Variants in CPNE8 observed in about 807,000 individuals in gnomAD.
CPNE8 encodes copine-8.
Under a neutral mutation model 81.5 loss-of-function variants are expected in CPNE8, and 45 were observed. The ratio of observed to expected loss-of-function variants is 0.55; its 90% CI spans 0.44 to 0.71. The LOEUF (loss-of-function observed/expected upper bound fraction) is 0.71. CPNE8 is among the 30% of genes least tolerant of loss of function. The pLI, the probability that CPNE8 is intolerant of heterozygous loss-of-function variation, is 0.00. For missense variants in CPNE8, 594 were observed against 672.1 expected (o/e 0.88, Z 1.28); for synonymous variants, 252 against 226.3 (o/e 1.11, Z -1.02).
chr12:38,806,417 C>T (rs1488922723), intron 6 of CPNE8, among the ~76,000 whole-genome samples: 1 of 149,446 alleles, frequency 6.7e-6, no homozygotes, highest in East Asian at 2.3e-4. Context: ...ATCAAGTGGG[C>T]TTCATCCCTG....
intron 13 of CPNE8, among the ~76,000 whole-genome samples, chr12:38,709,330 C>A (rs1011809439): frequency 6.6e-6 from 1 of 152,166 alleles, no homozygotes; most frequent in Admixed American, 6.5e-5. Context: ...CAGACAGATG[C>A]CTCATTCCAA....
At chr12:38,746,520 G>C (rs753111562) in intron 10 of CPNE8, among the ~76,000 whole-genome samples, 5 of 152,128 alleles carry the variant, frequency 3.3e-5, no homozygotes, top group African/African-American at 1.2e-4. Context: ...AGAGTTGAAC[G>C]ACTAAATATC....
chr12:38,883,317 A>T (rs1263824731), intron 1 of CPNE8, among the ~76,000 whole-genome samples: 4 of 152,206 alleles, frequency 2.6e-5, no homozygotes, highest in African/African-American at 9.7e-5. Flanking sequence ...TATATCATTC[A>T]GAACAAAATG....
At chr12:38,787,202 T>C (rs936635492) in intron 6 of CPNE8, among the ~76,000 whole-genome samples, 4 of 152,130 alleles carry the variant, frequency 2.6e-5, no homozygotes, top group South Asian at 2.1e-4. Context: ...GACCATATTT[T>C]ATGTCACAAA....
Position 38,839,935 on chromosome 12 carries a change from C to G in CPNE8, c.311G>C (p.Ser104Thr), listed in dbSNP as rs778884699. The G allele has an allele frequency of 6.3e-7, 1 of 1,579,916 alleles. No homozygotes were observed. Among genetic ancestry groups the G allele is most frequent in the Non-Finnish European group, 8.6e-7 (1 of 1,156,712 alleles). Reference protein sequence around the residue: ...RFDLYDVDSKSPNLSKHDFLG... With the variant: ...RFDLYDVDSKTPNLSKHDFLG... The stretch of plus-strand genomic sequence containing the variant: ...ACTTACATGTTTGGATAAGTTGGGG[C>G]TCTTTGAATCAACATCATACCTAAA... Residue 104 changes from serine to threonine, a missense_variant, in exon 5 of 20, where the codon AGC becomes ACC. Transcript: ENST00000331366.
intron 5 of CPNE8, among the ~76,000 whole-genome samples, chr12:38,838,210 T>C (rs1943416888): frequency 6.6e-6 from 1 of 151,960 alleles, no homozygotes; most frequent in Non-Finnish European, 1.5e-5. Flanking sequence ...TCAGGGAGAG[T>C]GGTACTTGGA....
chr12:38,897,490 C>G (rs576934193), intron 1 of CPNE8, among the ~76,000 whole-genome samples: 137 of 151,748 alleles, frequency 9.0e-4, no homozygotes, highest in African/African-American at 3.3e-3. Flanking sequence ...ATAGTACAAC[C>G]ATATAATAGA....
chr12:38,675,712 C>A lies in CPNE8; in HGVS notation c.1432+5G>T. The A allele has an allele frequency of 6.3e-7, 1 of 1,578,636 alleles. No homozygotes were observed. The highest frequency in any genetic ancestry group is 8.7e-7 in the Non-Finnish European group (1 of 1,148,332). ...AAGGAATATTATTGAAATTTTACTA[C>A]TCACCATCAAATTCTGCTGGTCCAA... is the stretch of plus-strand genomic sequence containing the variant. On this transcript the variant is annotated splice_donor_5th_base_variant and intron_variant, in intron 18 of 19. Transcript: ENST00000331366.
At chr12:38,818,146 T>A (rs549325055) in intron 6 of CPNE8, among the ~76,000 whole-genome samples, 67 of 152,244 alleles carry the variant, frequency 4.4e-4, no homozygotes, top group African/African-American at 1.5e-3. Context: ...ATTTTTTTTT[T>A]AATTATACTT....
chr12:38,846,704 C>A (rs1265484103), intron 4 of CPNE8, among the ~76,000 whole-genome samples: 1 of 152,006 alleles, frequency 6.6e-6, no homozygotes, highest in Non-Finnish European at 1.5e-5. Flanking sequence ...AGATTTAGAA[C>A]CAGACAGTGG....
chr12:38,839,598 G>T (rs1487198148), intron 5 of CPNE8, among the ~76,000 whole-genome samples: 1 of 151,496 alleles, frequency 6.6e-6, no homozygotes, highest in Non-Finnish European at 1.5e-5. Flanking sequence ...GTTAAACCTT[G>T]CAAAAAGACA....
At chr12:38,719,770 T>C (rs553341083) in intron 13 of CPNE8, among the ~76,000 whole-genome samples, 2 of 152,208 alleles carry the variant, frequency 1.3e-5, no homozygotes, top group South Asian at 4.1e-4. Flanking sequence ...CATTATATTG[T>C]GGTGAATAAT....
In CPNE8 at chr12:38,878,566, C is replaced by T. The variant is rs549007888; in HGVS notation, c.99-4055G>A. Among the ~76,000 whole-genome samples the T allele has an allele frequency of 2.6e-5, 4 of 152,300 alleles. No homozygotes were observed. The South Asian group carries it at 8.3e-4, about 32-fold the overall frequency. ...TGCTCTGATTTTATGCTCAACAAGT[C>T]ATCTTCCAAATTTAAGACAGTTTCC... is the stretch of plus-strand genomic sequence containing the variant. On this transcript the variant is annotated intron_variant, in intron 1 of 19. Coordinates refer to ENST00000331366, the MANE Select transcript of CPNE8 (RefSeq NM_153634.3).
intron 6 of CPNE8, among the ~76,000 whole-genome samples, chr12:38,817,670 C>A (rs1943048758): frequency 8.1e-6 from 1 of 122,962 alleles, no homozygotes; most frequent in African/African-American, 3.1e-5. Flanking sequence ...GTCTCCCAGG[C>A]TGGAGTGCAG....
At chr12:38,695,269 A>G (rs1939768158) in intron 14 of CPNE8, among the ~76,000 whole-genome samples, 1 of 152,220 alleles carries the variant, frequency 6.6e-6, no homozygotes, top group Admixed American at 6.5e-5. Context: ...CCTTTGAAAT[A>G]TAAACATCAA....
chr12:38,653,625 AAAAG>A lies in CPNE8; in HGVS notation c.*253_*256del, dbSNP rs1210218250. 3.0e-4 allele frequency: 88 copies of A among 290,716 alleles called. No individual in the cohort carries two copies. The highest frequency in any genetic ancestry group is 1.8e-3 in the African/African-American group (83 of 47,340). The allele number at this position is 290,716 out of a possible 1,614,324, so 18.0% of individuals were successfully genotyped here. A position where few individuals can be genotyped will look rare whatever the true frequency, so the allele number is the denominator to read the frequency against. On this transcript the variant is annotated 3_prime_UTR_variant, in exon 20 of 20. Coordinates refer to ENST00000331366, the MANE Select transcript of CPNE8 (RefSeq NM_153634.3). ...AAATTAGCTGTTTCTGTTAAAAAAA[AAAAG>A]AAAGAAAGATTTAGAGAAGACATCC...
chr12:38,813,846 G>C (rs1942977806), intron 6 of CPNE8, among the ~76,000 whole-genome samples: 1 of 152,184 alleles, frequency 6.6e-6, no homozygotes, highest in South Asian at 2.1e-4. Context: ...CAGAGAGATG[G>C]TGTCATGAAA....
At chr12:38,745,477 G>A (rs1941207041) in intron 10 of CPNE8, among the ~76,000 whole-genome samples, 1 of 152,162 alleles carries the variant, frequency 6.6e-6, no homozygotes, top group African/African-American at 2.4e-5. Context: ...TTCCCCTGCA[G>A]TAACTAGTGT....
chr12:38,806,951 C>G (rs1348226871), intron 6 of CPNE8, among the ~76,000 whole-genome samples: 1 of 150,068 alleles, frequency 6.7e-6, no homozygotes, highest in Admixed American at 6.7e-5. Flanking sequence ...TTCTTACACA[C>G]CAACAACAGA....
Sources: gnomAD v4.1 joint callset for allele counts (sites outside exome capture counted in the v4.1 genomes callset) on GRCh38, gnomAD v4.1.1 for gene constraint, MANE v1.5 for transcripts, NCBI Gene and HGNC (gene_info 2026-07-23, HGNC 2026-07-21) for gene names.